WDR33: variants seen among roughly 807,000 people sequenced by gnomAD.
The protein encoded by WDR33 is WD repeat domain 33.
WDR33 carries 47 observed loss-of-function variants against 164.9 expected under a neutral mutation model. The observed-to-expected ratio is 0.29, with a 90% CI of 0.23 to 0.36. WDR33 has a LOEUF of 0.36. WDR33 is among the 10% of genes least tolerant of loss of function. The pLI, the probability that WDR33 is intolerant of heterozygous loss-of-function variation, is 1.00. For missense variants in WDR33, 1,137 were observed against 1,754.1 expected, an observed-to-expected ratio of 0.65 and a Z score of 6.28; for synonymous variants, 505 against 589.0, an observed-to-expected ratio of 0.86 and a Z score of 2.06.
rs781368532 is a variant in WDR33 at position 127,785,783 on chromosome 2, C to T, written c.-23-14779G>A. 4.6e-5 allele frequency among the ~76,000 whole-genome samples: 7 copies of T among 152,270 alleles called. No individual in the cohort carries two copies. The East Asian group carries it at 9.6e-4, about 21-fold the overall frequency. On this transcript the variant is annotated intron_variant, in intron 1 of 21. Transcript: ENST00000322313. Reference sequence around the variant, plus strand: ...CAATTATGAACAAAACTACTATAAACATTTGTGTGCACGTTTTTGGGTAGA... The same window carrying T: ...CAATTATGAACAAAACTACTATAAATATTTGTGTGCACGTTTTTGGGTAGA...
At chr2:127,733,921 G>A (rs1194702304) in intron 7 of WDR33, among the ~76,000 whole-genome samples, 1 of 152,178 alleles carries the variant, frequency 6.6e-6, no homozygotes, top group East Asian at 1.9e-4. Flanking sequence ...AAGCCTGAAA[G>A]GGTTAGGGCA....
At position 127,718,545 on chromosome 2, in the gene WDR33, G is replaced by C. The variant is rs1686349637; in HGVS notation, c.2760+720C>G. Among the ~76,000 whole-genome samples, 1 of 152,126 alleles carries C rather than the reference G, an allele frequency of 6.6e-6. No individual in the cohort carries two copies. ...TCCTCACACCATCTCTCAAGCACGA[G>C]CTCAGCGCATGAGCAATAAAAATTG... On this transcript the variant is annotated intron_variant, in intron 16 of 21. Coordinates refer to ENST00000322313, the MANE Select transcript of WDR33 (RefSeq NM_018383.5). This position sits in a 1 kb window ranked among gnomAD's most constrained non-coding sequence, Gnocchi z 4.4.
At chr2:127,725,565 C>A (rs1485174975) in intron 8 of WDR33, among the ~76,000 whole-genome samples, 2 of 152,054 alleles carry the variant, frequency 1.3e-5, no homozygotes, top group Non-Finnish European at 2.9e-5. Flanking sequence ...GAAACCCAGA[C>A]TCTACTAAAA....
At chr2:127,748,342 T>C (rs1327978183) in intron 7 of WDR33, among the ~76,000 whole-genome samples, 1 of 152,228 alleles carries the variant, frequency 6.6e-6, no homozygotes, top group East Asian at 1.9e-4. Flanking sequence ...CCTAGTGGTC[T>C]TTAACTGAAG....
In WDR33 at chr2:127,702,209, C is replaced by T. The variant is rs760219913; in HGVS notation, c.*4114G>A. 1.9e-4 allele frequency: 230 copies of T among 1,209,206 alleles called. No individual in the cohort carries two copies. The highest frequency in any genetic ancestry group is 2.3e-4 in the Non-Finnish European group (220 of 969,798). The allele number at this position is 1,209,206 out of a possible 1,614,324, so 74.9% of individuals were successfully genotyped here. On this transcript the variant is annotated 3_prime_UTR_variant, in exon 22 of 22. Coordinates refer to ENST00000322313, the MANE Select transcript of WDR33 (RefSeq NM_018383.5). ...GCGCCCTCGCCGCTGGGGAAGTACG[C>T]GGAGCCAGCGCCGTCGGAGACCGCG...
rs1686567780 is a variant in WDR33, at chr2:127,726,144, C to T, written c.851+507G>A. 6.6e-6 allele frequency among the ~76,000 whole-genome samples: 1 copy of T among 152,196 alleles called. No individual in the cohort carries two copies. Among genetic ancestry groups the T allele is most frequent in the South Asian group, 2.1e-4 (1 of 4,832 alleles). On this transcript the variant is annotated intron_variant, in intron 8 of 21. Coordinates refer to ENST00000322313, the MANE Select transcript of WDR33 (RefSeq NM_018383.5). This position sits in a 1 kb window ranked among gnomAD's most constrained non-coding sequence, Gnocchi z 4.8. The stretch of plus-strand genomic sequence containing the variant: ...GGATGCTTGGTCAAAAAAATGTTAA[C>T]ATATGCATGTAGCTGTGAATGTTCA...
Position 127,706,586 on chromosome 2 carries a change from G to A in WDR33, c.3782-34C>T. The A allele has an allele frequency of 1.3e-6, 2 of 1,570,686 alleles. No individual in the cohort carries two copies. Among genetic ancestry groups the A allele is most frequent in the Non-Finnish European group, 1.7e-6 (2 of 1,155,936 alleles). ...AAGAAAATTTCACATGGGACTTTTT[G>A]TATTAGCAACTGTTTGTCAGTAACT... On this transcript the variant is annotated intron_variant, in intron 21 of 21. Coordinates refer to ENST00000322313, the MANE Select transcript of WDR33 (RefSeq NM_018383.5). This position sits in a 1 kb window ranked among gnomAD's most constrained non-coding sequence, Gnocchi z 5.1.
intron 7 of WDR33, among the ~76,000 whole-genome samples, chr2:127,761,845 T>C (rs1161248541): frequency 6.6e-6 from 1 of 152,234 alleles, no homozygotes; most frequent in Non-Finnish European, 1.5e-5. Flanking sequence ...AGGTTCCCTA[T>C]TCTTACAAAA....
At chr2:127,743,842 C>T (rs1284146853) in intron 7 of WDR33, among the ~76,000 whole-genome samples, 3 of 152,166 alleles carry the variant, frequency 2.0e-5, no homozygotes, top group African/African-American at 7.2e-5. Flanking sequence ...CTCAATTCCT[C>T]ACCTTTGATG....
chr2:127,747,454 TA>T (rs1687199435), intron 7 of WDR33, among the ~76,000 whole-genome samples: 1 of 149,712 alleles, frequency 6.7e-6, no homozygotes, highest in Non-Finnish European at 1.5e-5. Context: ...AAAAAAAAAG[TA>T]AAAACTTTTA....
At chr2:127,755,003 T>G (rs1687479997) in intron 7 of WDR33, among the ~76,000 whole-genome samples, 1 of 152,158 alleles carries the variant, frequency 6.6e-6, no homozygotes, top group South Asian at 2.1e-4. Context: ...GAACATCTAT[T>G]AAGTATTCTA....
In WDR33 at chr2:127,811,128, G is replaced by A. The variant is rs1208376911; in HGVS notation, c.-140C>T. 1 of 152,784 alleles carries A rather than the reference G, an allele frequency of 6.5e-6. No homozygotes were observed. The highest frequency in any genetic ancestry group is 1.5e-5 in the Non-Finnish European group (1 of 68,136). 9.5% of individuals were successfully genotyped at this position (152,784 alleles called of 1,614,324 possible). ...TCCTCTCAATCCCGCTCCTCCAAAG[G>A]AGCAGCCGCCATCTTCCCCTATGGG... On this transcript the variant is annotated 5_prime_UTR_variant, in exon 1 of 22. Transcript: ENST00000322313. The surrounding 1 kb of genome is among the most constrained non-coding windows in gnomAD (Gnocchi z 4.1).
intron 1 of WDR33, among the ~76,000 whole-genome samples, chr2:127,797,802 A>G (rs1432633923): frequency 4.6e-5 from 7 of 152,198 alleles, no homozygotes; most frequent in Non-Finnish European, 4.4e-5. Context: ...ACCCGAGCTC[A>G]GAAGTTCGAG....
rs1482713761 is a variant in WDR33, at chr2:127,770,052, G to T, written c.204+726C>A. Among the ~76,000 whole-genome samples the T allele has an allele frequency of 6.6e-6, 1 of 152,154 alleles. No individual in the cohort carries two copies. Among genetic ancestry groups the T allele is most frequent in the African/African-American group, 2.4e-5 (1 of 41,438 alleles). ...AAATACCTACCACCAGGGCTTGGAA[G>T]TGGGAGAATCCATGTTCTCCAAGCC... is the stretch of plus-strand genomic sequence containing the variant. On this transcript the variant is annotated intron_variant, in intron 2 of 21. Coordinates refer to ENST00000322313, the MANE Select transcript of WDR33 (RefSeq NM_018383.5). This position sits in a 1 kb window ranked among gnomAD's most constrained non-coding sequence, Gnocchi z 4.9.
rs1318209029 is a variant in WDR33 at position 127,718,095 on chromosome 2, TAACTC to T, written c.2761-837_2761-833del. Among the ~76,000 whole-genome samples, 1 of 152,174 alleles carries T rather than the reference TAACTC, an allele frequency of 6.6e-6. No homozygotes were observed. Among genetic ancestry groups the T allele is most frequent in the Non-Finnish European group, 1.5e-5 (1 of 68,030 alleles). On this transcript the variant is annotated intron_variant, in intron 16 of 21. Coordinates refer to ENST00000322313, the MANE Select transcript of WDR33 (RefSeq NM_018383.5). The surrounding 1 kb of genome is among the most constrained non-coding windows in gnomAD (Gnocchi z 4.4). ...GAAGTGCTGAATAAAAATCTGGAAA[TAACTC>T]AGACATCATCAGATTCTCCATGACT...
At chr2:127,769,491 C>T (rs1027445229) in intron 2 of WDR33, among the ~76,000 whole-genome samples, 3 of 152,068 alleles carry the variant, frequency 2.0e-5, no homozygotes, top group African/African-American at 7.2e-5. Context: ...TAGTCCCCAC[C>T]CACTCATCCA....
In WDR33 at chr2:127,723,155, A is replaced by G. The variant is rs1686483002; in HGVS notation, c.1291+98T>C. The G allele has an allele frequency of 5.6e-6, 8 of 1,430,290 alleles. No individual in the cohort carries two copies. The South Asian group carries it at 6.5e-5, about 12-fold the overall frequency. The allele number at this position is 1,430,290 out of a possible 1,614,324, so 88.6% of individuals were successfully genotyped here. A position where few individuals can be genotyped will look rare whatever the true frequency, so the allele number is the denominator to read the frequency against. ...CTGATGATTTATAAATAAATCTACT[A>G]TAAAATTAAAATTCATTTTGTATAA... On this transcript the variant is annotated intron_variant, in intron 12 of 21. Transcript: ENST00000322313. This position sits in a 1 kb window ranked among gnomAD's most constrained non-coding sequence, Gnocchi z 5.9.
Position 127,791,275 on chromosome 2 carries a change from C to T in WDR33, c.-24+19737G>A, listed in dbSNP as rs926313085. Among the ~76,000 whole-genome samples, 5 of 151,262 alleles carry T rather than the reference C, an allele frequency of 3.3e-5. No individual in the cohort carries two copies. In the East Asian group the frequency reaches 9.7e-4, roughly 29 times the overall value. On this transcript the variant is annotated intron_variant, in intron 1 of 21. Transcript: ENST00000322313. ...CTGGGCTCAAGCAATCCTCCCGCCTCGGCCTCCCAAAGTACTGTGATTACA... is the reference window on the plus strand; with the variant it reads ...CTGGGCTCAAGCAATCCTCCCGCCTTGGCCTCCCAAAGTACTGTGATTACA...
Position 127,718,963 on chromosome 2 carries a change from C to A in WDR33, c.2760+302G>T, listed in dbSNP as rs897951416. ...CTCAGGGCCACAGCTCTCCTGGAGC[C>A]CTGGGACAATTATCAGCTGTACTCA... On this transcript the variant is annotated intron_variant, in intron 16 of 21. Coordinates refer to ENST00000322313, the MANE Select transcript of WDR33 (RefSeq NM_018383.5). This position sits in a 1 kb window ranked among gnomAD's most constrained non-coding sequence, Gnocchi z 4.4. 6.6e-6 allele frequency among the ~76,000 whole-genome samples: 1 copy of A among 152,052 alleles called. No homozygotes were observed. The highest frequency in any genetic ancestry group is 2.4e-5 in the African/African-American group (1 of 41,404).
Sources: gnomAD v4.1 joint callset for allele counts (sites outside exome capture counted in the v4.1 genomes callset) on GRCh38, gnomAD v4.1.1 for gene constraint, Gnocchi (gnomAD v3.1) non-coding constraint, MANE v1.5 for transcripts, NCBI Gene and HGNC (gene_info 2026-07-23, HGNC 2026-07-21) for gene names.